CAMK1D: variants seen among roughly 807,000 people sequenced by gnomAD.
The protein encoded by CAMK1D is calcium/calmodulin dependent protein kinase ID.
Under a neutral mutation model 47.7 loss-of-function variants are expected in CAMK1D, and 9 were observed. The ratio of observed to expected loss-of-function variants is 0.19; its 90% CI spans 0.11 to 0.33. The LOEUF (loss-of-function observed/expected upper bound fraction) is 0.33. Among genes scored for constraint, CAMK1D ranks in the 10% least tolerant of loss-of-function variants. The probability of loss-of-function intolerance (pLI) is 1.00; values close to 1 mark genes in which losing one functional copy is unlikely to be tolerated. For missense variants in CAMK1D, 291 were observed against 488.7 expected, an observed-to-expected ratio of 0.60 and a Z score of 3.81; for synonymous variants, 184 against 184.9, an observed-to-expected ratio of 0.99 and a Z score of 0.04.
intron 1 of CAMK1D, among the ~76,000 whole-genome samples, chr10:12,387,279 C>T (rs372486851): frequency 2.7e-5 from 4 of 145,812 alleles, no homozygotes; most frequent in African/African-American, 7.6e-5. Context: ...ACAGCCTTCA[C>T]GCTTTGACAC....
At chr10:12,651,832 G>A (rs1273653212) in intron 2 of CAMK1D, among the ~76,000 whole-genome samples, 2 of 151,746 alleles carry the variant, frequency 1.3e-5, no homozygotes, top group African/African-American at 2.4e-5. Flanking sequence ...AGGCTGGAGT[G>A]CAGTGGCGCG....
intron 4 of CAMK1D, among the ~76,000 whole-genome samples, chr10:12,765,268 T>C (rs983427340): frequency 3.3e-5 from 5 of 152,230 alleles, no homozygotes; most frequent in African/African-American, 1.2e-4. Flanking sequence ...AACAGAATTA[T>C]TTTGACACCA....
At chr10:12,625,365 A>G (rs1839181729) in intron 2 of CAMK1D, among the ~76,000 whole-genome samples, 1 of 150,736 alleles carries the variant, frequency 6.6e-6, no homozygotes, top group African/African-American at 2.4e-5. Context: ...AAGTAAAGAA[A>G]CAGTTATCCA....
At chr10:12,814,330 C>T in intron 7 of CAMK1D, 23 bp downstream of exon 7, 5 of 1,501,332 alleles carry the variant, frequency 3.3e-6, no homozygotes, top group Non-Finnish European at 4.6e-6. Context: ...TAGGCAGCTC[C>T]CAGTGGGCGG....
chr10:12,720,041 G>C (rs915897068), intron 3 of CAMK1D, among the ~76,000 whole-genome samples: 3 of 152,226 alleles, frequency 2.0e-5, no homozygotes, highest in African/African-American at 4.8e-5. Flanking sequence ...TCTAGAACAA[G>C]CTCCCATGTG....
intron 1 of CAMK1D, among the ~76,000 whole-genome samples, chr10:12,522,418 T>C (rs3995718): frequency 0.33 from 28,642 of 87,100 alleles, 5,524 homozygotes; most frequent in South Asian, 0.4. Flanking sequence ...CATGCTGCCT[T>C]CAAGCATCTT....
chr10:12,511,771 G>A (rs935069130), intron 1 of CAMK1D, among the ~76,000 whole-genome samples: 2 of 152,204 alleles, frequency 1.3e-5, no homozygotes, highest in African/African-American at 4.8e-5. Context: ...CCCATGGGCC[G>A]CCCAGAAGGA....
intron 2 of CAMK1D, among the ~76,000 whole-genome samples, chr10:12,569,996 T>C (rs1357808562): frequency 6.6e-6 from 1 of 151,886 alleles, no homozygotes; most frequent in Non-Finnish European, 1.5e-5. Flanking sequence ...GGTCAGGAGT[T>C]TGAGACCAGC....
At chr10:12,581,314 A>G (rs1837657458) in intron 2 of CAMK1D, among the ~76,000 whole-genome samples, 1 of 152,034 alleles carries the variant, frequency 6.6e-6, no homozygotes, top group Admixed American at 6.6e-5. Flanking sequence ...CTGGTTCCAT[A>G]TTTTTGCAAT....
intron 2 of CAMK1D, among the ~76,000 whole-genome samples, chr10:12,612,489 A>T (rs1037481153): frequency 1.3e-5 from 2 of 152,012 alleles, no homozygotes; most frequent in Admixed American, 6.6e-5. Flanking sequence ...TTAAGGCATG[A>T]ACCACCATGC....
intron 1 of CAMK1D, among the ~76,000 whole-genome samples, chr10:12,546,831 A>G (rs1054089621): frequency 6.6e-6 from 1 of 151,554 alleles, no homozygotes; most frequent in Non-Finnish European, 1.5e-5. Flanking sequence ...TGGGGGAGGG[A>G]TAGCATTAGG....
intron 3 of CAMK1D, among the ~76,000 whole-genome samples, chr10:12,704,937 T>C (rs529973590): frequency 3.3e-4 from 51 of 152,266 alleles, no homozygotes; most frequent in African/African-American, 8.9e-4. Flanking sequence ...CTGGTAAATA[T>C]CATTGGGCAG....
At chr10:12,789,903 G>A (rs1006406393) in intron 5 of CAMK1D, among the ~76,000 whole-genome samples, 1 of 152,274 alleles carries the variant, frequency 6.6e-6, no homozygotes, top group Non-Finnish European at 1.5e-5. Flanking sequence ...GGGCAAAGGA[G>A]ATTTTACTCA....
At chr10:12,643,500 A>G (rs1839724080) in intron 2 of CAMK1D, among the ~76,000 whole-genome samples, 1 of 152,156 alleles carries the variant, frequency 6.6e-6, no homozygotes, top group Admixed American at 6.5e-5. Context: ...CTCCTGTCCT[A>G]TCAGTGGCGG....
intron 1 of CAMK1D, among the ~76,000 whole-genome samples, chr10:12,441,162 T>C (rs1035785291): frequency 2.8e-4 from 43 of 152,250 alleles, no homozygotes; most frequent in African/African-American, 1.0e-3. Context: ...GGACTTCATT[T>C]CTGAAGGCTC....
intron 1 of CAMK1D, among the ~76,000 whole-genome samples, chr10:12,482,512 C>T (rs753021980): frequency 2.6e-5 from 4 of 151,938 alleles, no homozygotes; most frequent in Non-Finnish European, 4.4e-5. Context: ...TTTTTTCTCT[C>T]GAAGCAGTGA....
At position 12,382,423 on chromosome 10, in the gene CAMK1D, T is replaced by C. The variant is rs1838371442; in HGVS notation, c.92+32513T>C. 2.0e-5 allele frequency among the ~76,000 whole-genome samples: 3 copies of C among 152,168 alleles called. No individual in the cohort carries two copies. In the South Asian group the frequency reaches 6.2e-4, roughly 32 times the overall value. ...CTGACGCATGTTTTGGTAACTTACA[T>C]AGGATCTTTCATATGAAATACTCAG... On this transcript the variant is annotated intron_variant, in intron 1 of 10. Coordinates refer to ENST00000619168, the MANE Select transcript of CAMK1D (RefSeq NM_153498.4).
rs1229702332 is a variant in CAMK1D at position 12,751,103 on chromosome 10, TAAGATAAGATAAGATAAGATAAGAA to T, written c.300-9844_300-9820del. Among the ~76,000 whole-genome samples, 15 of 105,398 alleles carry T rather than the reference TAAGATAAGATAAGATAAGATAAGAA, an allele frequency of 1.4e-4. No homozygotes were observed. The East Asian group carries it at 3.6e-3, about 25-fold the overall frequency. The allele number at this position is 105,398 out of a possible 152,430, so 69.1% of individuals were successfully genotyped here. ...TAAGATAAGATAAGATAAGATAAGA[TAAGATAAGATAAGATAAGATAAGAA>T]GGCTTCAGAAGGCTTCTTTCGTGAG... On this transcript the variant is annotated intron_variant, in intron 3 of 10. Coordinates refer to ENST00000619168, the MANE Select transcript of CAMK1D (RefSeq NM_153498.4).
chr10:12,626,136 T>G (rs964115163), intron 2 of CAMK1D, among the ~76,000 whole-genome samples: 1 of 152,216 alleles, frequency 6.6e-6, no homozygotes, highest in Non-Finnish European at 1.5e-5. Flanking sequence ...ATAATTCATA[T>G]GCATATGTGA....
Sources: allele counts gnomAD v4.1 joint callset (sites outside exome capture counted in the v4.1 genomes callset), GRCh38; gene constraint gnomAD v4.1.1; transcripts MANE v1.5; gene names NCBI Gene and HGNC (gene_info 2026-07-23, HGNC 2026-07-21).